Variants in THNSL1 observed in about 807,000 individuals in gnomAD.
The protein encoded by THNSL1 is threonine synthase-like 1.
A neutral mutation model predicts 50.4 loss-of-function variants in THNSL1; 48 were observed. That is an observed-to-expected ratio of 0.95 (90% CI 0.76 to 1.21). The LOEUF is 1.21. THNSL1 is among the 50% of genes most tolerant of loss of function. The probability of loss-of-function intolerance (pLI) is 0.00; values close to 1 mark genes in which losing one functional copy is unlikely to be tolerated. For synonymous variants in THNSL1, 309 were observed against 306.1 expected, an observed-to-expected ratio of 1.01 and a Z score of -0.10; for missense variants, 896 against 871.7, an observed-to-expected ratio of 1.03 and a Z score of -0.35.
At chr10:24,990,662 T>A in the THNSL1 span, 1 of 1,491,282 alleles carries the variant, frequency 6.7e-7, no homozygotes, top group African/African-American at 1.4e-5. Context: ...CAATCTTACA[T>A]ATGGGTACGT....
At chr10:24,959,196 TAGTC>T in the THNSL1 span, among the ~76,000 whole-genome samples, 1 of 152,180 alleles carries the variant, frequency 6.6e-6, no homozygotes, top group African/African-American at 2.4e-5. Context: ...GGGGCCTCCT[TAGTC>T]AGCAGCAACT....
intron 1 of THNSL1, among the ~76,000 whole-genome samples, chr10:25,018,950 T>A (rs1850666104): frequency 6.6e-6 from 1 of 152,164 alleles, no homozygotes; most frequent in East Asian, 1.9e-4. Flanking sequence ...AGTTGTGAGA[T>A]CCTTGTGATT....
At chr10:25,017,755 C>G (rs776897844) in intron 1 of THNSL1, among the ~76,000 whole-genome samples, 2 of 151,468 alleles carry the variant, frequency 1.3e-5, no homozygotes, top group African/African-American at 4.9e-5. Context: ...ATATTTAGAT[C>G]TAGATCCAAA....
the THNSL1 span, among the ~76,000 whole-genome samples, chr10:24,968,582 C>T: frequency 5.9e-5 from 9 of 152,242 alleles, no homozygotes; most frequent in East Asian, 1.7e-3. Context: ...TTTTCTCAGC[C>T]CCTACACTGC....
At chr10:24,995,838 CT>C in the THNSL1 span, 6 of 1,611,078 alleles carry the variant, frequency 3.7e-6, no homozygotes, top group South Asian at 1.1e-5. Context: ...GCACAGCAGG[CT>C]TTTTGGGCAC....
At chr10:24,956,804 G>T in the THNSL1 span, among the ~76,000 whole-genome samples, 6 of 152,188 alleles carry the variant, frequency 3.9e-5, no homozygotes, top group Non-Finnish European at 8.8e-5. Flanking sequence ...TAGGAACTGA[G>T]CTGCACTGTA....
chr10:24,993,544 G>A, the THNSL1 span, among the ~76,000 whole-genome samples: 3 of 152,196 alleles, frequency 2.0e-5, no homozygotes, highest in Non-Finnish European at 4.4e-5. Flanking sequence ...TTCACTTGGA[G>A]CTGAAATGGG....
chr10:25,000,818 T>C, the THNSL1 span, among the ~76,000 whole-genome samples: 2 of 152,232 alleles, frequency 1.3e-5, no homozygotes, highest in Admixed American at 1.3e-4. Context: ...AGCTTGCTGT[T>C]TTTTTACATA....
In THNSL1 at chr10:25,023,918, T is replaced by C. The variant is rs1469010035; in HGVS notation, c.695T>C (p.Ile232Thr). 3.1e-6 allele frequency: 5 copies of C among 1,614,182 alleles called. No individual in the cohort carries two copies. Among genetic ancestry groups the C allele is most frequent in the African/African-American group, 2.7e-5 (2 of 75,068 alleles). ...CAAGATGTGGACTCGGAAACATTCA[T>C]TTCAACAAGACACGTTTGGCCTGAA... ...RYQDVDSETF[I>T]STRHVWPEDC... is the part of the protein sequence containing the mutation. Residue 232 changes from isoleucine to threonine, a missense_variant, in exon 3 of 3, where the codon ATT becomes ACT. Transcript: ENST00000376356.
the THNSL1 span, chr10:24,995,993 T>G: frequency 1.3e-6 from 1 of 755,590 alleles, no homozygotes; most frequent in South Asian, 2.7e-5. Context: ...ATTTAAATAT[T>G]TAAGATAGAA....
chr10:25,017,039 GGACCGCCCCTT>G lies in THNSL1; in HGVS notation c.-216+349_-216+359del, dbSNP rs1317788012. Among the ~76,000 whole-genome samples, 37 of 152,268 alleles carry G rather than the reference GGACCGCCCCTT, an allele frequency of 2.4e-4. No homozygotes were observed. The East Asian group carries it at 7.0e-3, about 29-fold the overall frequency. On this transcript the variant is annotated intron_variant, in intron 1 of 2. Coordinates refer to ENST00000376356, the MANE Select transcript of THNSL1 (RefSeq NM_024838.5). ...GCTCGCCCTCCCGCCCCTGCTCCCG[GGACCGCCCCTT>G]GGGCGGTCCTCCGGGTCGGCTCTGC... is the stretch of plus-strand genomic sequence containing the variant.
the THNSL1 span, among the ~76,000 whole-genome samples, chr10:24,967,275 G>A: frequency 5.9e-5 from 9 of 152,074 alleles, no homozygotes; most frequent in African/African-American, 1.9e-4. Flanking sequence ...CAGACTGCCC[G>A]TTCTTCTGTC....
intron 1 of THNSL1, among the ~76,000 whole-genome samples, chr10:25,020,244 C>CTA (rs752648548): frequency 8.0e-6 from 1 of 124,486 alleles, no homozygotes; most frequent in Non-Finnish European, 1.8e-5. Context: ...TAAAATATAT[C>CTA]TATATCTATA....
chr10:25,024,487 G>A lies in THNSL1; in HGVS notation c.1264G>A (p.Gly422Ser), dbSNP rs549760938. The change falls in exon 3 of 3, where the codon GGC becomes AGC. Residue 422 changes from glycine (G) to serine (S), a missense_variant. By Grantham distance (56) the Gly-to-Ser change is moderately conservative. Coordinates refer to ENST00000376356, the MANE Select transcript of THNSL1 (RefSeq NM_024838.5). ...TGATTTTCAAAAAGCACAAATAATTGGCAGTCAGAGAGAAAATGGATGGGC... is the reference window on the plus strand; with the variant it reads ...TGATTTTCAAAAAGCACAAATAATTAGCAGTCAGAGAGAAAATGGATGGGC... ...VSDFQKAQII[G>S]SQRENGWAVG... is the part of the protein sequence containing the mutation. The A allele has an allele frequency of 2.5e-6, 4 of 1,614,160 alleles. No individual in the cohort carries two copies. Among genetic ancestry groups the A allele is most frequent in the East Asian group, 2.2e-5 (1 of 44,880 alleles).
the THNSL1 span, among the ~76,000 whole-genome samples, chr10:24,978,096 G>T: frequency 6.6e-6 from 1 of 152,096 alleles, no homozygotes; most frequent in East Asian, 1.9e-4. Flanking sequence ...TTAAAAATTA[G>T]TATGTGCATG....
intron 1 of THNSL1, among the ~76,000 whole-genome samples, chr10:25,019,004 G>A (rs10828740): frequency 0.28 from 42,879 of 152,014 alleles, 6,455 homozygotes; most frequent in East Asian, 0.5. Context: ...CCTCACCTCT[G>A]TTTCATGGCA....
At chr10:24,963,094 C>T in the THNSL1 span, among the ~76,000 whole-genome samples, 3 of 152,302 alleles carry the variant, frequency 2.0e-5, no homozygotes, top group East Asian at 5.8e-4. Flanking sequence ...ATGTTCATTA[C>T]AATCAGCCAC....
At chr10:24,996,456 G>GTGTA in the THNSL1 span, among the ~76,000 whole-genome samples, 1,030 of 149,774 alleles carry the variant, frequency 6.9e-3, 4 homozygotes, top group Non-Finnish European at 0.011. Context: ...GTGTGTGTGT[G>GTGTA]TATATATATA....
chr10:25,000,489 ACT>A, the THNSL1 span, among the ~76,000 whole-genome samples: 1 of 151,836 alleles, frequency 6.6e-6, no homozygotes, highest in African/African-American at 2.4e-5. Context: ...GTATTTTGAA[ACT>A]CTGTTTGTAG....
Sources: allele counts gnomAD v4.1 joint callset (sites outside exome capture counted in the v4.1 genomes callset), GRCh38; gene constraint gnomAD v4.1.1; transcripts MANE v1.5; gene names NCBI Gene and HGNC (gene_info 2026-07-23, HGNC 2026-07-21).